The following PPARGC1A variants were observed in gnomAD, a reference collection of about 807,000 sequenced individuals.
PPARGC1A encodes the protein PPARG coactivator 1 alpha, also known as peroxisome proliferator-activated receptor gamma coactivator 1-alpha.
In PPARGC1A, 25 loss-of-function variants were observed where a neutral mutation model predicts 88.7. The observed-to-expected ratio is 0.28, with a 90% CI of 0.21 to 0.39. PPARGC1A has a LOEUF of 0.39. Among genes scored for constraint, PPARGC1A ranks in the 10% least tolerant of loss-of-function variants. The probability of loss-of-function intolerance (pLI) is 1.00; values close to 1 mark genes in which losing one functional copy is unlikely to be tolerated. For synonymous variants in PPARGC1A, 363 were observed against 355.6 expected (o/e 1.02, Z -0.24); for missense variants, 880 against 968.7 (o/e 0.91, Z 1.22).
At chr4:24,015,341 T>C in the PPARGC1A span, among the ~76,000 whole-genome samples, 5 of 152,200 alleles carry the variant, frequency 3.3e-5, no homozygotes, top group African/African-American at 4.8e-5. Context: ...TAAATCACCC[T>C]GTTGCTGGGG....
chr4:24,281,647 T>C, the PPARGC1A span, among the ~76,000 whole-genome samples: 1 of 152,202 alleles, frequency 6.6e-6, no homozygotes, highest in African/African-American at 2.4e-5. Flanking sequence ...CTACAATTTA[T>C]TGAATATTTA....
rs1231909227 is a variant in PPARGC1A, at chr4:23,794,781, C to T, written c.*1041G>A. 1 of 152,488 alleles carries T rather than the reference C, an allele frequency of 6.6e-6. No homozygotes were observed. The highest frequency in any genetic ancestry group is 1.5e-5 in the Non-Finnish European group (1 of 68,008). The allele number at this position is 152,488 out of a possible 1,614,324, so 9.4% of individuals were successfully genotyped here. ...TCAGAGAATGTAGCAATTACACTATCTGAACACATCTCAGAGAGTTCTACC... is the reference window on the plus strand; with the variant it reads ...TCAGAGAATGTAGCAATTACACTATTTGAACACATCTCAGAGAGTTCTACC... On this transcript the variant is annotated 3_prime_UTR_variant, in exon 13 of 13. Transcript: ENST00000264867.
At chr4:23,877,023 G>T (rs1220721362) in intron 2 of PPARGC1A, among the ~76,000 whole-genome samples, 1 of 152,102 alleles carries the variant, frequency 6.6e-6, no homozygotes, top group African/African-American at 2.4e-5. Flanking sequence ...AGGCACAAAA[G>T]TATCTTCTAT....
chr4:24,315,729 C>A, the PPARGC1A span, among the ~76,000 whole-genome samples: 1 of 152,186 alleles, frequency 6.6e-6, no homozygotes, highest in Non-Finnish European at 1.5e-5. Context: ...TGGTAAACAT[C>A]CTACAATGGA....
the PPARGC1A span, among the ~76,000 whole-genome samples, chr4:24,236,480 T>C: frequency 6.6e-6 from 1 of 152,162 alleles, no homozygotes; most frequent in Non-Finnish European, 1.5e-5. Flanking sequence ...CTGCTTTTAG[T>C]CTAGAGGTCT....
the PPARGC1A span, among the ~76,000 whole-genome samples, chr4:24,161,710 T>C: frequency 3.3e-5 from 5 of 152,000 alleles, no homozygotes; most frequent in East Asian, 1.9e-4. Context: ...GAGGTTCCGA[T>C]GGTAAATTCA....
At chr4:24,187,670 C>T in the PPARGC1A span, among the ~76,000 whole-genome samples, 1 of 152,174 alleles carries the variant, frequency 6.6e-6, no homozygotes, top group Non-Finnish European at 1.5e-5. Context: ...TTTATCCACC[C>T]AGCAAATAAT....
the PPARGC1A span, among the ~76,000 whole-genome samples, chr4:24,183,727 A>G: frequency 6.6e-6 from 1 of 152,148 alleles, no homozygotes. Flanking sequence ...CTTGTTACCT[A>G]TATCTGGAAC....
the PPARGC1A span, among the ~76,000 whole-genome samples, chr4:23,917,376 C>CTTTT: frequency 7.5e-6 from 1 of 132,530 alleles, no homozygotes; most frequent in Non-Finnish European, 1.6e-5. Flanking sequence ...TTCTTTCTTT[C>CTTTT]TTTTTTTTTT....
chr4:24,340,002 G>T, the PPARGC1A span, among the ~76,000 whole-genome samples: 953 of 152,266 alleles, frequency 6.3e-3, 20 homozygotes, highest in African/African-American at 0.022. Context: ...CTCCCAAAGT[G>T]CTGAGATTAC....
the PPARGC1A span, among the ~76,000 whole-genome samples, chr4:24,178,192 T>TA: frequency 9.9e-5 from 15 of 152,234 alleles, no homozygotes; most frequent in Non-Finnish European, 1.9e-4. Context: ...ATTAAGCACC[T>TA]ACTGTTTGCA....
At chr4:24,383,720 G>C in the PPARGC1A span, among the ~76,000 whole-genome samples, 1 of 152,156 alleles carries the variant, frequency 6.6e-6, no homozygotes, top group South Asian at 2.1e-4. Context: ...AGAAATATGG[G>C]ACTATGTGAA....
chr4:24,433,162 T>C, the PPARGC1A span, among the ~76,000 whole-genome samples: 2 of 152,206 alleles, frequency 1.3e-5, no homozygotes, highest in African/African-American at 4.8e-5. Context: ...TTTTTTAAAC[T>C]TTTTATATAA....
chr4:23,996,246 C>T, the PPARGC1A span, among the ~76,000 whole-genome samples: 2 of 152,216 alleles, frequency 1.3e-5, no homozygotes, highest in African/African-American at 2.4e-5. Flanking sequence ...AAGCAGCTCC[C>T]CCATTATAAT....
the PPARGC1A span, among the ~76,000 whole-genome samples, chr4:24,250,550 C>T: frequency 6.6e-6 from 1 of 152,062 alleles, no homozygotes; most frequent in Non-Finnish European, 1.5e-5. Flanking sequence ...GGGGCATGCA[C>T]TCTTTGAAAT....
the PPARGC1A span, among the ~76,000 whole-genome samples, chr4:24,268,912 G>C: frequency 1.3e-5 from 2 of 152,132 alleles, no homozygotes; most frequent in Non-Finnish European, 2.9e-5. Flanking sequence ...TAAGAACCAG[G>C]TATAGTGAAG....
chr4:23,945,004 G>A, the PPARGC1A span, among the ~76,000 whole-genome samples: 4 of 152,100 alleles, frequency 2.6e-5, no homozygotes, highest in African/African-American at 7.2e-5. Flanking sequence ...ACTTCACAGC[G>A]CTGAGCCTCA....
the PPARGC1A span, among the ~76,000 whole-genome samples, chr4:24,078,955 T>C: frequency 2.6e-5 from 4 of 152,168 alleles, no homozygotes; most frequent in Middle Eastern, 3.4e-3. Context: ...ACTGAAAACA[T>C]AGAGTAAATA....
At chr4:24,091,626 C>A in the PPARGC1A span, 1 of 985,300 alleles carries the variant, frequency 1.0e-6, no homozygotes, top group East Asian at 1.1e-4. Context: ...CAGGGCAGTC[C>A]AGGGGCAGAC....
Sources: gnomAD v4.1 joint callset for allele counts (sites outside exome capture counted in the v4.1 genomes callset) on GRCh38, gnomAD v4.1.1 for gene constraint, MANE v1.5 for transcripts, NCBI Gene and HGNC (gene_info 2026-07-23, HGNC 2026-07-21) for gene names.